The following GPR39 variants were observed in gnomAD, a reference collection of about 807,000 sequenced individuals.
GPR39 encodes the protein zinc sensing receptor.
Under a neutral mutation model 18.4 loss-of-function variants are expected in GPR39, and 23 were observed. The ratio of observed to expected loss-of-function variants is 1.25; its 90% CI spans 0.90 to 1.77. The LOEUF (loss-of-function observed/expected upper bound fraction) is 1.77. GPR39 is among the 40% of genes most tolerant of loss of function. The pLI, the probability that GPR39 is intolerant of heterozygous loss-of-function variation, is 0.00. For missense variants in GPR39, 647 were observed against 602.4 expected (o/e 1.07, Z -0.78); for synonymous variants, 280 against 257.9 (o/e 1.09, Z -0.82).
At chr2:132,482,236 G>C (rs1326411015) in intron 1 of GPR39, among the ~76,000 whole-genome samples, 1 of 152,164 alleles carries the variant, frequency 6.6e-6, no homozygotes, top group Non-Finnish European at 1.5e-5. Context: ...TTCACTTCCT[G>C]TTTTAGGACA....
intron 1 of GPR39, among the ~76,000 whole-genome samples, chr2:132,634,812 G>T (rs1252813206): frequency 6.6e-6 from 1 of 152,136 alleles, no homozygotes; most frequent in Non-Finnish European, 1.5e-5. Flanking sequence ...ATATGTCTTT[G>T]GTAAACAGGG....
chr2:132,464,616 A>G (rs1016001437), intron 1 of GPR39, among the ~76,000 whole-genome samples: 3 of 152,208 alleles, frequency 2.0e-5, no homozygotes, highest in African/African-American at 7.2e-5. Flanking sequence ...TTTGTTGCTC[A>G]GGGAAAAGTG....
intron 1 of GPR39, among the ~76,000 whole-genome samples, chr2:132,513,752 C>A (rs1351388907): frequency 1.3e-5 from 2 of 152,154 alleles, no homozygotes; most frequent in Non-Finnish European, 2.9e-5. Flanking sequence ...ACTCTGGCCC[C>A]CCGAGTGGGA....
At position 132,455,265 on chromosome 2, in the gene GPR39, G is replaced by C. The variant is rs560929962; in HGVS notation, c.856+37367G>C. Among the ~76,000 whole-genome samples, 4 of 152,258 alleles carry C rather than the reference G, an allele frequency of 2.6e-5. No homozygotes were observed. In the East Asian group the frequency reaches 7.7e-4, roughly 29 times the overall value. ...TTCTTCTAGATTTTCTAGTTTATTTGCATAGAGGTGTTTATAGTATTCTCT... is the reference window on the plus strand; with the variant it reads ...TTCTTCTAGATTTTCTAGTTTATTTCCATAGAGGTGTTTATAGTATTCTCT... On this transcript the variant is annotated intron_variant, in intron 1 of 1. Coordinates refer to ENST00000329321, the MANE Select transcript of GPR39 (RefSeq NM_001508.3).
intron 1 of GPR39, among the ~76,000 whole-genome samples, chr2:132,521,678 T>C (rs1679428979): frequency 7.4e-6 from 1 of 134,844 alleles, no homozygotes; most frequent in African/African-American, 2.8e-5. Flanking sequence ...CTCCTCCATC[T>C]CCGGGATCTT....
At chr2:132,569,221 G>A (rs1680401633) in intron 1 of GPR39, among the ~76,000 whole-genome samples, 1 of 152,122 alleles carries the variant, frequency 6.6e-6, no homozygotes, top group Non-Finnish European at 1.5e-5. Context: ...CAAGAGAGAT[G>A]TTTGATTTTT....
chr2:132,543,076 A>T (rs879267903), intron 1 of GPR39, among the ~76,000 whole-genome samples: 1 of 152,220 alleles, frequency 6.6e-6, no homozygotes, highest in Non-Finnish European at 1.5e-5. Context: ...TCCTTAACTC[A>T]GCTAGGTTTG....
chr2:132,480,929 G>A (rs1389823066), intron 1 of GPR39, among the ~76,000 whole-genome samples: 1 of 152,140 alleles, frequency 6.6e-6, no homozygotes, highest in Non-Finnish European at 1.5e-5. Context: ...AGGGCGAGTT[G>A]CACATTTTCA....
At chr2:132,623,250 C>T (rs546724249) in intron 1 of GPR39, among the ~76,000 whole-genome samples, 1 of 152,318 alleles carries the variant, frequency 6.6e-6, no homozygotes, top group African/African-American at 2.4e-5. Context: ...AGTGGAGCCC[C>T]TGGGATGGAC....
intron 1 of GPR39, among the ~76,000 whole-genome samples, chr2:132,570,667 G>A (rs1438849801): frequency 6.6e-6 from 1 of 152,172 alleles, no homozygotes; most frequent in Non-Finnish European, 1.5e-5. Flanking sequence ...CAGATCCGCT[G>A]CCCCTCCACT....
chr2:132,550,240 T>C (rs1246222120), intron 1 of GPR39, among the ~76,000 whole-genome samples: 2 of 152,212 alleles, frequency 1.3e-5, no homozygotes, highest in Non-Finnish European at 2.9e-5. Context: ...AAAAAGATCA[T>C]GCTAATTTTA....
Position 132,645,460 on chromosome 2 carries a change from G to A in GPR39, c.1216G>A (p.Glu406Lys). Reference protein sequence around the residue: ...SRRQSSARRTEKIFLSTFQSE... With the variant: ...SRRQSSARRTKKIFLSTFQSE... ...GCGCCAGTCCTCTGCAAGGAGAACT[G>A]AGAAGATTTTCTTAAGCACTTTTCA... Residue 406 changes from glutamate (E) to lysine (K), a missense_variant, in exon 2 of 2, where the codon GAG becomes AAG. Glu to Lys is a moderately conservative substitution (Grantham distance 56). Transcript: ENST00000329321. 2 of 1,613,900 alleles carry A rather than the reference G, an allele frequency of 1.2e-6. No individual in the cohort carries two copies. The highest frequency in any genetic ancestry group is 1.7e-6 in the Non-Finnish European group (2 of 1,180,044).
chr2:132,425,884 C>T (rs899979843), intron 1 of GPR39, among the ~76,000 whole-genome samples: 2 of 152,108 alleles, frequency 1.3e-5, no homozygotes, highest in Non-Finnish European at 2.9e-5. Context: ...AAATTCCCCC[C>T]CAGAACTTCT....
intron 1 of GPR39, among the ~76,000 whole-genome samples, chr2:132,536,060 T>C (rs1424958971): frequency 6.6e-6 from 1 of 152,010 alleles, no homozygotes; most frequent in Non-Finnish European, 1.5e-5. Context: ...AGGTTTTTTG[T>C]CTCTGTCTCC....
chr2:132,474,227 G>A (rs1681084491), intron 1 of GPR39, among the ~76,000 whole-genome samples: 1 of 152,148 alleles, frequency 6.6e-6, no homozygotes, highest in African/African-American at 2.4e-5. Flanking sequence ...ATAATTAGAG[G>A]CATATTTTCT....
At chr2:132,527,940 T>A (rs2104772631) in intron 1 of GPR39, among the ~76,000 whole-genome samples, 1 of 152,320 alleles carries the variant, frequency 6.6e-6, no homozygotes, top group South Asian at 2.1e-4. Context: ...TTTAATTAGA[T>A]CCCATTTGTC....
intron 1 of GPR39, among the ~76,000 whole-genome samples, chr2:132,444,854 CAG>C (rs1256215652): frequency 2.0e-5 from 3 of 152,070 alleles, no homozygotes; most frequent in Non-Finnish European, 4.4e-5. Context: ...CTGAAAACAT[CAG>C]AGAGGATGCA....
intron 1 of GPR39, among the ~76,000 whole-genome samples, chr2:132,592,017 C>T (rs4518015): frequency 7.9e-5 from 12 of 151,622 alleles, no homozygotes; most frequent in Admixed American, 6.6e-5. Context: ...AATTATATTT[C>T]CTTGGTAAAC....
rs145702680 is a variant in GPR39, at chr2:132,441,782, C to G, written c.856+23884C>G. 3.0e-3 allele frequency among the ~76,000 whole-genome samples: 450 copies of G among 152,298 alleles called. 1 individual carries two copies. The highest frequency in any genetic ancestry group is 9.9e-3 in the African/African-American group (411 of 41,552). ...TCAATAACCTCTGAGGGGAAACTTT[C>G]TGTGTCTTAATGATCTAAGACTCAG... On this transcript the variant is annotated intron_variant, in intron 1 of 1. Transcript: ENST00000329321.
Sources: allele counts gnomAD v4.1 joint callset (sites outside exome capture counted in the v4.1 genomes callset), GRCh38; gene constraint gnomAD v4.1.1; transcripts MANE v1.5; gene names NCBI Gene and HGNC (gene_info 2026-07-23, HGNC 2026-07-21).